Variants in HCN1 observed in about 807,000 individuals in gnomAD.
The protein encoded by HCN1 is hyperpolarization activated cyclic nucleotide gated potassium channel 1.
HCN1 carries 13 observed loss-of-function variants against 78.9 expected under a neutral mutation model. That is an observed-to-expected ratio of 0.16 (90% confidence interval 0.11 to 0.26). The LOEUF is 0.26. Among genes scored for constraint, HCN1 ranks in the 10% least tolerant of loss-of-function variants. HCN1 has a pLI of 1.00. For missense variants in HCN1, 810 were observed against 1,154.3 expected (o/e 0.70, Z 4.32); for synonymous variants, 552 against 455.5 (o/e 1.21, Z -2.70).
At chr5:45,564,878 T>C (rs1419089835) in intron 2 of HCN1, among the ~76,000 whole-genome samples, 1 of 152,104 alleles carries the variant, frequency 6.6e-6, no homozygotes, top group South Asian at 2.1e-4. Flanking sequence ...CATAAAGGGA[T>C]TCGTTGGGCA....
intron 2 of HCN1, chr5:45,575,754 C>G (rs963269710): frequency 6.6e-6 from 1 of 152,056 alleles, no homozygotes; most frequent in South Asian, 2.1e-4. Flanking sequence ...TGACAATGCA[C>G]CAAGTCACTC....
intron 4 of HCN1, among the ~76,000 whole-genome samples, chr5:45,393,310 T>C (rs1486526145): frequency 6.6e-6 from 1 of 152,164 alleles, no homozygotes; most frequent in Non-Finnish European, 1.5e-5. Flanking sequence ...TCTATTACTA[T>C]AGTTATTTGA....
intron 4 of HCN1, among the ~76,000 whole-genome samples, chr5:45,372,997 A>C (rs924239750): frequency 7.2e-6 from 1 of 139,620 alleles, no homozygotes; most frequent in Non-Finnish European, 1.5e-5. Flanking sequence ...AATATATAAA[A>C]ATAAAATTAT....
chr5:45,525,922 T>G (rs1198771671), intron 2 of HCN1, among the ~76,000 whole-genome samples: 2 of 151,982 alleles, frequency 1.3e-5, no homozygotes, highest in East Asian at 1.9e-4. Flanking sequence ...GCCCTCATAA[T>G]GGGATTAGTG....
chr5:45,687,252 T>C (rs1375979586), intron 1 of HCN1, among the ~76,000 whole-genome samples: 4 of 152,178 alleles, frequency 2.6e-5, no homozygotes, highest in Non-Finnish European at 5.9e-5. Context: ...TTTTCTTTCA[T>C]GATGCTAAGT....
intron 1 of HCN1, among the ~76,000 whole-genome samples, chr5:45,650,164 G>A (rs1048346308): frequency 3.3e-5 from 5 of 152,052 alleles, no homozygotes; most frequent in African/African-American, 1.2e-4. Flanking sequence ...GGATGATTTG[G>A]AGCAAGATAT....
intron 3 of HCN1, among the ~76,000 whole-genome samples, chr5:45,452,399 G>A (rs1300909238): frequency 6.6e-6 from 1 of 151,296 alleles, no homozygotes; most frequent in African/African-American, 2.4e-5. Context: ...AGTCACAGGG[G>A]TTTGATATAG....
rs190718630 is a variant in HCN1 at position 45,391,612 on chromosome 5, A to G, written c.1230+4880T>C. 9.3e-4 allele frequency among the ~76,000 whole-genome samples: 141 copies of G among 152,288 alleles called. 1 individual carries two copies. Among genetic ancestry groups the G allele is most frequent in the African/African-American group, 3.1e-3 (127 of 41,574 alleles). On this transcript the variant is annotated intron_variant, in intron 4 of 7. Transcript: ENST00000303230. ...AAACTCTCCCATCTGTCTTTCTGAG[A>G]GAGGAGGCTCCATCATCTCCTGAAG...
At chr5:45,607,028 A>T (rs1172572535) in intron 2 of HCN1, among the ~76,000 whole-genome samples, 1 of 151,884 alleles carries the variant, frequency 6.6e-6, no homozygotes, top group Non-Finnish European at 1.5e-5. Flanking sequence ...AAGTTAAAAA[A>T]ATATGATTAG....
chr5:45,432,241 G>T (rs1196367473), intron 3 of HCN1, among the ~76,000 whole-genome samples: 2 of 152,036 alleles, frequency 1.3e-5, no homozygotes, highest in Non-Finnish European at 2.9e-5. Flanking sequence ...CTTGAATGTT[G>T]TTGGTGTATA....
At chr5:45,438,536 A>C (rs1184986678) in intron 3 of HCN1, among the ~76,000 whole-genome samples, 1 of 151,612 alleles carries the variant, frequency 6.6e-6, no homozygotes, top group Non-Finnish European at 1.5e-5. Context: ...GCTTGCAGTG[A>C]GCCGAATCGC....
chr5:45,292,216 A>G (rs780058653), intron 6 of HCN1, among the ~76,000 whole-genome samples: 2 of 152,004 alleles, frequency 1.3e-5, no homozygotes, highest in Non-Finnish European at 2.9e-5. Flanking sequence ...GCAAATCTCC[A>G]TTATCTTAAT....
chr5:45,424,992 G>A (rs985499611), intron 3 of HCN1, among the ~76,000 whole-genome samples: 5 of 152,228 alleles, frequency 3.3e-5, no homozygotes, highest in East Asian at 1.9e-4. Flanking sequence ...ACGGTCCATA[G>A]TTTGGGTGTT....
intron 6 of HCN1, among the ~76,000 whole-genome samples, chr5:45,268,844 T>G (rs2111849543): frequency 6.6e-6 from 1 of 152,332 alleles, no homozygotes; most frequent in Middle Eastern, 3.4e-3. Flanking sequence ...TAAAGCAAAT[T>G]ACCATACCAT....
chr5:45,658,992 C>A (rs1438960784), intron 1 of HCN1, among the ~76,000 whole-genome samples: 2 of 150,186 alleles, frequency 1.3e-5, no homozygotes, highest in African/African-American at 4.9e-5. Flanking sequence ...GGCTCCACCT[C>A]TGGGGGCAGG....
intron 1 of HCN1, 91 bp from the exon 2 acceptor site, chr5:45,645,699 C>A: frequency 3.0e-6 from 2 of 675,512 alleles, no homozygotes; most frequent in Non-Finnish European, 4.8e-6. Context: ...ATAGTGAGAT[C>A]AATAAGTAAA....
intron 6 of HCN1, among the ~76,000 whole-genome samples, chr5:45,287,965 G>T (rs1026853138): frequency 6.6e-6 from 1 of 152,000 alleles, no homozygotes; most frequent in Non-Finnish European, 1.5e-5. Flanking sequence ...AGAAATATTG[G>T]ATCATTTCAT....
rs181377883 is a variant in HCN1, at chr5:45,523,872, C to T, written c.850-61865G>A. Among the ~76,000 whole-genome samples the T allele has an allele frequency of 2.8e-3, 420 of 152,236 alleles. 5 individuals carry two copies. Among genetic ancestry groups the T allele is most frequent in the African/African-American group, 9.8e-3 (408 of 41,534 alleles). The stretch of plus-strand genomic sequence containing the variant: ...AGAAGCTCTTTAGTTTAATTAGATC[C>T]CATTTGTCAATTTTGGCTTTTGTTG... On this transcript the variant is annotated intron_variant, in intron 2 of 7. Transcript: ENST00000303230.
intron 1 of HCN1, among the ~76,000 whole-genome samples, chr5:45,680,151 T>C (rs758090639): frequency 8.5e-5 from 13 of 152,144 alleles, no homozygotes; most frequent in African/African-American, 1.7e-4. Flanking sequence ...CAGTGCCACA[T>C]TGCAGTCAAC....
Sources: allele counts gnomAD v4.1 joint callset (sites outside exome capture counted in the v4.1 genomes callset), GRCh38; gene constraint gnomAD v4.1.1; transcripts MANE v1.5; gene names NCBI Gene and HGNC (gene_info 2026-07-23, HGNC 2026-07-21).